ARAP3: variants seen among roughly 807,000 people sequenced by gnomAD.
ARAP3 encodes the protein arf-GAP with Rho-GAP domain, ANK repeat and PH domain-containing protein 3.
Under a neutral mutation model 169.2 loss-of-function variants are expected in ARAP3, and 82 were observed. The observed-to-expected ratio is 0.48, with a 90% CI of 0.41 to 0.58. The LOEUF is 0.58. ARAP3 is among the 20% of genes least tolerant of loss of function. ARAP3 has a pLI of 0.00. For missense variants in ARAP3, 1,764 were observed against 2,018.0 expected, an observed-to-expected ratio of 0.87 and a Z score of 2.41; for synonymous variants, 791 against 800.3, an observed-to-expected ratio of 0.99 and a Z score of 0.20.
At chr5:141,663,438 C>T (rs141212398) in intron 19 of ARAP3, among the ~76,000 whole-genome samples, 468 of 152,252 alleles carry the variant, frequency 3.1e-3, no homozygotes, top group Middle Eastern at 0.01. Context: ...TACAGGCACC[C>T]GCCACCATGG....
At chr5:141,667,158 G>C (rs1211852195) in intron 16 of ARAP3, among the ~76,000 whole-genome samples, 1 of 151,934 alleles carries the variant, frequency 6.6e-6, no homozygotes, top group Non-Finnish European at 1.5e-5. Context: ...GCCTCCCAAA[G>C]TCCTGGAATT....
Position 141,669,759 on chromosome 5 carries a change from C to G in ARAP3, c.2302G>C (p.Gly768Arg), listed in dbSNP as rs373179703. The G allele has an allele frequency of 2.2e-5, 35 of 1,613,960 alleles. No homozygotes were observed. The highest frequency in any genetic ancestry group is 3.0e-5 in the Non-Finnish European group (35 of 1,180,000). Residue 768 changes from glycine to arginine, a missense_variant, in exon 16 of 33, where the codon GGC becomes CGC. Transcript: ENST00000239440. The part of the protein sequence containing the change: ...ILAGGRIQHF[G>R]TDGADSLEAW... ...TCCAGACTGTCAGCTCCATCTGTGCCAAAATGCTGGATCCTCCCCCCAGCG... is the reference window on the plus strand; with the variant it reads ...TCCAGACTGTCAGCTCCATCTGTGCGAAAATGCTGGATCCTCCCCCCAGCG...
At chr5:141,674,491 C>A (rs980998476) in intron 4 of ARAP3, among the ~76,000 whole-genome samples, 1 of 152,222 alleles carries the variant, frequency 6.6e-6, no homozygotes, top group African/African-American at 2.4e-5. Context: ...CTCCTGGGTT[C>A]AAGTGATCCT....
chr5:141,658,867 G>A (rs1286362538), intron 23 of ARAP3, among the ~76,000 whole-genome samples: 4 of 152,130 alleles, frequency 2.6e-5, no homozygotes, highest in Non-Finnish European at 5.9e-5. Context: ...CATAGTGGTT[G>A]GGAGGACAGA....
intron 25 of ARAP3, among the ~76,000 whole-genome samples, chr5:141,657,427 G>C (rs926888086): frequency 2.0e-5 from 3 of 152,244 alleles, no homozygotes; most frequent in Non-Finnish European, 4.4e-5. Context: ...GGACTGGAAT[G>C]ATACTTTAAG....
intron 20 of ARAP3, 43 bp downstream of exon 20, chr5:141,662,000 G>A (rs1306057231): frequency 3.1e-6 from 5 of 1,609,110 alleles, no homozygotes; most frequent in Non-Finnish European, 4.3e-6. Context: ...GGGGAAGGCA[G>A]AGATCCTGGT....
intron 32 of ARAP3, among the ~76,000 whole-genome samples, chr5:141,655,100 C>G (rs1330632983): frequency 6.6e-6 from 1 of 151,748 alleles, no homozygotes; most frequent in African/African-American, 2.4e-5. Context: ...GGCCTCCTCT[C>G]TCTCTCTGTC....
intron 4 of ARAP3, 151 bp from the exon 5 acceptor site, chr5:141,673,959 C>CTTTTTTTT (rs10712701): frequency 3.1e-4 from 114 of 364,784 alleles, no homozygotes; most frequent in African/African-American, 5.5e-4. Flanking sequence ...TTCTTTTCTT[C>CTTTTTTTT]TTTTTTTTTT....
Position 141,680,251 on chromosome 5 carries a change from A to T in ARAP3, c.236T>A (p.Met79Lys), listed in dbSNP as rs150639376. The T allele has an allele frequency of 1.9e-6, 3 of 1,614,122 alleles. No individual in the cohort carries two copies. Among genetic ancestry groups the T allele is most frequent in the Non-Finnish European group, 2.5e-6 (3 of 1,179,998 alleles). Residue 79 changes from methionine to lysine, a missense_variant, in exon 2 of 33, where the codon ATG becomes AAG. Around this residue, in one of 3 missense-constraint regions of ARAP3, gnomAD observed 630 missense variants for 678.7 expected, o/e 0.93. Transcript: ENST00000239440. The part of the protein sequence containing the change: ...GSLDPKSDSA[M>K]EPSPSPAPQA... ...CGGGGCTGGGCTGGGGGATGGTTCCATGGCACTATCTGATTTGGGATCCAG... is the reference window on the plus strand; with the variant it reads ...CGGGGCTGGGCTGGGGGATGGTTCCTTGGCACTATCTGATTTGGGATCCAG...
At chr5:141,678,292 A>T (rs1198577438) in intron 4 of ARAP3, among the ~76,000 whole-genome samples, 1 of 151,774 alleles carries the variant, frequency 6.6e-6, no homozygotes, top group Non-Finnish European at 1.5e-5. Flanking sequence ...ATCTCCTGCC[A>T]TTCCTCCCAC....
rs560785847 is a variant in ARAP3 at position 141,681,900 on chromosome 5, G to C, written c.-18+273C>G. 2.0e-3 allele frequency among the ~76,000 whole-genome samples: 298 copies of C among 152,060 alleles called. 1 individual carries two copies. The highest frequency in any genetic ancestry group is 6.9e-3 in the African/African-American group (288 of 41,502). On this transcript the variant is annotated intron_variant, in intron 1 of 32. Transcript: ENST00000239440. ...AGGGCCCGGTTTCCCGGTGACTCAG[G>C]CCGGGCTCGACAGCACGGGGCTGGG...
At position 141,673,398 on chromosome 5, in the gene ARAP3, C is replaced by A. The variant is rs185977620; in HGVS notation, c.972+3G>T. 5.7e-4 allele frequency: 916 copies of A among 1,614,134 alleles called. No homozygotes were observed. Among genetic ancestry groups the A allele is most frequent in the Non-Finnish European group, 7.3e-4 (860 of 1,180,018 alleles). ...CATATCGTCACATCTCCCAGCCCCCCACCTTGTCACTGCCAAAGTACATCA... is the reference window on the plus strand; with the variant it reads ...CATATCGTCACATCTCCCAGCCCCCAACCTTGTCACTGCCAAAGTACATCA... On this transcript the variant is annotated splice_donor_region_variant and intron_variant, in intron 6 of 32. Coordinates refer to ENST00000239440, the MANE Select transcript of ARAP3 (RefSeq NM_022481.6).
intron 4 of ARAP3, 151 bp from the exon 5 acceptor site, chr5:141,673,959 C>CTTTTTTTTTTTTTTTTTTTTTTTTT (rs10712701): frequency 5.9e-6 from 2 of 341,230 alleles, no homozygotes; most frequent in Admixed American, 6.4e-5. Context: ...TTCTTTTCTT[C>CTTTTTTTTTTTTTTTTTTTTTTTTT]TTTTTTTTTT....
rs769601425 is a variant in ARAP3 at position 141,672,289 on chromosome 5, C to G, written c.1398G>C (p.Glu466Asp). Residue 466 changes from glutamate to aspartate, a missense_variant, in exon 10 of 33, where the codon GAG becomes GAC. By Grantham distance (45) the Glu-to-Asp change is conservative (BLOSUM62 2). This residue lies in a region of ARAP3 where 630 missense variants were observed against 678.7 expected (regional missense o/e 0.93). Transcript: ENST00000239440. This position sits in a 1 kb window ranked among gnomAD's most constrained non-coding sequence, Gnocchi z 4.9. ...TPHRCFSFTA[E>D]SGGARQSWAA... ...CCCAGCTCTGCCGAGCACCCCCAGA[C>G]TCGGCTGTGAAGCTGAGGGGTGGAC... 4.2e-5 allele frequency: 67 copies of G among 1,614,032 alleles called. No individual in the cohort carries two copies. The highest frequency in any genetic ancestry group is 5.3e-5 in the Non-Finnish European group (63 of 1,180,034).
chr5:141,668,010 G>A (rs1455492571), intron 16 of ARAP3, among the ~76,000 whole-genome samples: 2 of 152,030 alleles, frequency 1.3e-5, no homozygotes, highest in African/African-American at 4.8e-5. Context: ...TCACCGCACT[G>A]TAGCCTGGGA....
In ARAP3 at chr5:141,680,477, G is replaced by C. The variant is rs759079348; in HGVS notation, c.10C>G (p.Pro4Ala). The C allele has an allele frequency of 6.3e-7, 1 of 1,594,958 alleles. No individual in the cohort carries two copies. The highest frequency in any genetic ancestry group is 2.2e-5 in the East Asian group (1 of 44,634). The change falls in exon 2 of 33, where the codon CCT becomes GCT. Residue 4 changes from proline to alanine, a missense_variant. Coordinates refer to ENST00000239440, the MANE Select transcript of ARAP3 (RefSeq NM_022481.6). Reference protein sequence around the residue: MAAPQDLDIAVWLA... With the variant: MAAAQDLDIAVWLA... ...CACACAGCGATGTCCAGGTCCTGAG[G>C]GGCAGCCATGGGGGCTCAGGCCATT...
chr5:141,662,370 G>A (rs779094930), intron 19 of ARAP3, 115 bp from the exon 20 acceptor site: 6 of 965,724 alleles, frequency 6.2e-6, no homozygotes, highest in African/African-American at 1.6e-5. Flanking sequence ...GGGATTCAGA[G>A]AGGAGGAGAT....
chr5:141,670,091 C>A (rs1226087317), intron 14 of ARAP3, 28 bp from the exon 15 acceptor site: 2 of 1,580,416 alleles, frequency 1.3e-6, no homozygotes, highest in Non-Finnish European at 8.5e-7. Flanking sequence ...AGTCAGGGAG[C>A]AGCAGACCTC....
In ARAP3 at chr5:141,655,372, G is replaced by A. The variant is rs1256271860; in HGVS notation, c.4139C>T (p.Ser1380Phe). 1.0e-5 allele frequency: 16 copies of A among 1,582,720 alleles called. No homozygotes were observed. Among genetic ancestry groups the A allele is most frequent in the Non-Finnish European group, 1.4e-5 (16 of 1,164,066 alleles). ...AGGCACAATACTCACAAAGAACATG[G>A]ACAGGGTCCTCCGGTTGTGTAGTCG... ...LRRLHNRRTLSMFFPMKSSQG... is the reference protein window; with the variant it reads ...LRRLHNRRTLFMFFPMKSSQG... The change falls in exon 32 of 33, where the codon TCC becomes TTC. Residue 1380 changes from serine to phenylalanine, a missense_variant. Transcript: ENST00000239440.
Sources: gnomAD v4.1 joint callset for allele counts (sites outside exome capture counted in the v4.1 genomes callset) on GRCh38, gnomAD v4.1.1 for gene constraint, gnomAD v4.1.1 regional missense constraint, Gnocchi (gnomAD v3.1) non-coding constraint, MANE v1.5 for transcripts, NCBI Gene and HGNC (gene_info 2026-07-23, HGNC 2026-07-21) for gene names.